BNC2: variants seen among roughly 807,000 people sequenced by gnomAD.
BNC2 encodes zinc finger protein basonuclin-2.
BNC2 carries 20 observed loss-of-function variants against 76.3 expected under a neutral mutation model. The observed-to-expected ratio is 0.26, with a 90% CI of 0.18 to 0.38. The LOEUF (loss-of-function observed/expected upper bound fraction) is 0.38, where lower values mean the gene tolerates loss of function less well. BNC2 is among the 10% of genes least tolerant of loss of function. The pLI, the probability that BNC2 is intolerant of heterozygous loss-of-function variation, is 1.00. For missense variants in BNC2, 1,382 were observed against 1,399.8 expected, an observed-to-expected ratio of 0.99 and a Z score of 0.20; for synonymous variants, 582 against 514.8, an observed-to-expected ratio of 1.13 and a Z score of -1.77.
chr9:16,819,823 T>A (rs1329306225), intron 1 of BNC2, among the ~76,000 whole-genome samples: 4 of 151,774 alleles, frequency 2.6e-5, no homozygotes, highest in South Asian at 2.1e-4. Context: ...ATTTTTTTTT[T>A]ATCTCTAAAA....
intron 1 of BNC2, among the ~76,000 whole-genome samples, chr9:16,820,954 G>A (rs1188777110): frequency 1.3e-5 from 2 of 152,050 alleles, no homozygotes; most frequent in African/African-American, 4.8e-5. Flanking sequence ...CAGAACTTTG[G>A]GAGGCCGAGG....
intron 2 of BNC2, among the ~76,000 whole-genome samples, chr9:16,736,851 G>C (rs1824686319): frequency 6.6e-6 from 1 of 151,778 alleles, no homozygotes; most frequent in South Asian, 2.1e-4. Flanking sequence ...TTGTTGTGCA[G>C]GCTGGAGTGC....
intron 3 of BNC2, among the ~76,000 whole-genome samples, chr9:16,657,401 G>T (rs1821961087): frequency 6.6e-6 from 1 of 152,162 alleles, no homozygotes; most frequent in Admixed American, 6.5e-5. Context: ...AAAAAAAACA[G>T]AAACGCTTCT....
rs1820489136 is a variant in BNC2, at chr9:16,412,712, G to C, written c.*6277C>G. On this transcript the variant is annotated 3_prime_UTR_variant, in exon 7 of 7. Coordinates refer to ENST00000380672, the MANE Select transcript of BNC2 (RefSeq NM_017637.6). ...GAGGGGAGAATAAGAGGGAAGGAGA[G>C]AGAGAGGGGAGAGAGAGAGAGAGAG... 7.2e-6 allele frequency: 1 copy of C among 139,610 alleles called. No individual in the cohort carries two copies. Among genetic ancestry groups the C allele is most frequent in the Admixed American group, 7.9e-5 (1 of 12,658 alleles). The allele number at this position is 139,610 out of a possible 1,614,324, so 8.6% of individuals were successfully genotyped here. A position where few individuals can be genotyped will look rare whatever the true frequency, so the allele number is the denominator to read the frequency against.
chr9:16,429,900 CAGG>C, intron 6 of BNC2: 1 of 504,560 alleles, frequency 2.0e-6, no homozygotes, highest in Non-Finnish European at 4.0e-6. Flanking sequence ...GCTGGGCCAG[CAGG>C]AGGTCATTAG....
intron 1 of BNC2, among the ~76,000 whole-genome samples, chr9:16,770,227 C>A (rs1050466405): frequency 2.0e-5 from 3 of 152,136 alleles, no homozygotes; most frequent in African/African-American, 7.2e-5. Flanking sequence ...ACAGTGGATG[C>A]TCATCCACTG....
chr9:16,841,750 T>G (rs1200434732), intron 1 of BNC2, among the ~76,000 whole-genome samples: 2 of 151,806 alleles, frequency 1.3e-5, no homozygotes, highest in Non-Finnish European at 2.9e-5. Flanking sequence ...GCATGCATGA[T>G]GACTGCCCAT....
intron 5 of BNC2, among the ~76,000 whole-genome samples, chr9:16,469,986 G>A (rs1285007525): frequency 6.8e-6 from 1 of 148,056 alleles, no homozygotes; most frequent in East Asian, 2.0e-4. Flanking sequence ...TGCTGCTAAT[G>A]GCATTCTTTT....
At chr9:16,636,488 A>C (rs1821330772) in intron 3 of BNC2, among the ~76,000 whole-genome samples, 1 of 152,024 alleles carries the variant, frequency 6.6e-6, no homozygotes, top group Admixed American at 6.5e-5. Context: ...TTTTTTGTAG[A>C]GATAAGGTCT....
rs778850296 is a variant in BNC2, at chr9:16,436,189, C to A, written c.2005G>T (p.Asp669Tyr). 1 of 1,614,176 alleles carries A rather than the reference C, an allele frequency of 6.2e-7. No individual in the cohort carries two copies. The highest frequency in any genetic ancestry group is 1.1e-5 in the South Asian group (1 of 91,078). The change falls in exon 6 of 7, where the codon GAC (aspartate) becomes TAC (tyrosine). Residue 669 changes from aspartate (D) to tyrosine (Y), a missense_variant. This residue lies in a region of BNC2 where 798 missense variants were observed against 775.5 expected (regional missense o/e 1.03). Transcript: ENST00000380672. ...DPNDGGAVVN[D>Y]MSHDNHCHSQ... The stretch of plus-strand genomic sequence containing the variant: ...TGACAATGATTGTCATGGCTCATGT[C>A]ATTGACCACAGCTCCACCATCATTG...
intron 3 of BNC2, among the ~76,000 whole-genome samples, chr9:16,597,110 T>G (rs1312948107): frequency 6.6e-6 from 1 of 152,122 alleles, no homozygotes; most frequent in African/African-American, 2.4e-5. Context: ...TATTAGCTAT[T>G]GACATAAGCT....
chr9:16,801,406 T>TC (rs1281772470), intron 1 of BNC2, among the ~76,000 whole-genome samples: 1 of 151,494 alleles, frequency 6.6e-6, no homozygotes, highest in African/African-American at 2.4e-5. Flanking sequence ...TTTTTCTATT[T>TC]TTTTTTTTCT....
At chr9:16,685,571 C>A (rs1002865774) in intron 3 of BNC2, 1 of 1,304,284 alleles carries the variant, frequency 7.7e-7, no homozygotes, top group East Asian at 5.6e-5. Context: ...TGGTATGGCT[C>A]CTCCAGGTTT....
intron 3 of BNC2, among the ~76,000 whole-genome samples, chr9:16,708,214 A>T (rs747409668): frequency 9.9e-5 from 15 of 152,202 alleles, no homozygotes; most frequent in Non-Finnish European, 1.9e-4. Context: ...TGTGATAACC[A>T]GCCGTGATTT....
intron 1 of BNC2, among the ~76,000 whole-genome samples, chr9:16,815,478 C>CT (rs1296670503): frequency 3.3e-5 from 5 of 152,304 alleles, no homozygotes; most frequent in African/African-American, 1.2e-4. Flanking sequence ...TCACAGTCAA[C>CT]TTTAATATAG....
Position 16,727,841 on chromosome 9 carries a change from A to G in BNC2, c.286T>C (p.Trp96Arg). Residue 96 changes from tryptophan to arginine, a missense_variant, in exon 3 of 7, where the codon TGG (tryptophan) becomes CGG (arginine). Physicochemically the swap from Trp to Arg is moderately radical, Grantham distance 101. This residue lies in a region of BNC2 where 557 missense variants were observed against 540.9 expected (regional missense o/e 1.03). Coordinates refer to ENST00000380672, the MANE Select transcript of BNC2 (RefSeq NM_017637.6). ...AAGAGGTTAGTATCAGCGTTTTGCC[A>G]TGTCCCCATGAACCCTGGTTCAGCC... is the stretch of plus-strand genomic sequence containing the variant. ...TTAEPGFMGT[W>R]QNADTNLLFR... is the part of the protein sequence containing the mutation. The G allele has an allele frequency of 6.2e-7, 1 of 1,614,200 alleles. No homozygotes were observed. The highest frequency in any genetic ancestry group is 1.7e-5 in the Admixed American group (1 of 60,022).
chr9:16,674,640 G>C (rs1313885182), intron 3 of BNC2, among the ~76,000 whole-genome samples: 2 of 152,148 alleles, frequency 1.3e-5, no homozygotes, highest in South Asian at 4.1e-4. Context: ...GACAATAACA[G>C]ATATCAGCTA....
At chr9:16,780,053 G>A (rs987689228) in intron 1 of BNC2, among the ~76,000 whole-genome samples, 15 of 151,078 alleles carry the variant, frequency 9.9e-5, no homozygotes, top group East Asian at 3.9e-4. Context: ...TGGCTAACAT[G>A]GTGAAACCCC....
In BNC2 at chr9:16,412,906, A is replaced by G. The variant is rs144799488; in HGVS notation, c.*6083T>C. ...TTGATGGCCAAGTGCTGAACTGGAA[A>G]GCACACTATTAGTTTGTGTCCCTTC... On this transcript the variant is annotated 3_prime_UTR_variant, in exon 7 of 7. Coordinates refer to ENST00000380672, the MANE Select transcript of BNC2 (RefSeq NM_017637.6). The G allele has an allele frequency of 3.3e-5, 5 of 152,796 alleles. No homozygotes were observed. In the East Asian group the frequency reaches 7.7e-4, roughly 24 times the overall value. The allele number at this position is 152,796 out of a possible 1,614,324, so 9.5% of individuals were successfully genotyped here.
Sources: allele counts gnomAD v4.1 joint callset (sites outside exome capture counted in the v4.1 genomes callset), GRCh38; gene constraint gnomAD v4.1.1; regional missense constraint gnomAD v4.1.1; transcripts MANE v1.5; gene names NCBI Gene and HGNC (gene_info 2026-07-23, HGNC 2026-07-21).